ACTR5: variants seen among roughly 807,000 people sequenced by gnomAD.
ACTR5 encodes the protein actin-related protein 5.
Under a neutral mutation model 61.2 loss-of-function variants are expected in ACTR5, and 43 were observed. The ratio of observed to expected loss-of-function variants is 0.70; its 90% CI spans 0.55 to 0.91. The LOEUF (loss-of-function observed/expected upper bound fraction) is 0.91, where lower values mean the gene tolerates loss of function less well. Among genes scored for constraint, ACTR5 ranks in the 40% least tolerant of loss-of-function variants. The pLI, the probability that ACTR5 is intolerant of heterozygous loss-of-function variation, is 0.00. For synonymous variants in ACTR5, 333 were observed against 310.5 expected (o/e 1.07, Z -0.76); for missense variants, 798 against 782.2 (o/e 1.02, Z -0.24).
chr20:38,767,385 G>T, intron 7 of ACTR5, 79 bp from the exon 8 acceptor site: 3 of 1,233,126 alleles, frequency 2.4e-6, no homozygotes, highest in Non-Finnish European at 3.3e-6. Flanking sequence ...GTTTTGTACT[G>T]AGAGCTTACA....
At position 38,754,556 on chromosome 20, in the gene ACTR5, A is replaced by G. The variant is rs1475328437; in HGVS notation, c.776-401A>G. The stretch of plus-strand genomic sequence containing the variant: ...ACATGGGGAAACCCCATCTCTACTA[A>G]AAATTCAAAAAAATTAGCCGGGCAT... On this transcript the variant is annotated intron_variant, in intron 3 of 8. Coordinates refer to ENST00000243903, the MANE Select transcript of ACTR5 (RefSeq NM_024855.4). 4.6e-5 allele frequency among the ~76,000 whole-genome samples: 7 copies of G among 151,942 alleles called. No individual in the cohort carries two copies. The East Asian group carries it at 1.4e-3, about 30-fold the overall frequency.
At chr20:38,769,687 G>C (rs2084508985) in intron 8 of ACTR5, among the ~76,000 whole-genome samples, 1 of 152,134 alleles carries the variant, frequency 6.6e-6, no homozygotes, top group East Asian at 1.9e-4. Context: ...GAAAGCAAGA[G>C]GGTAGTTTCA....
At chr20:38,753,555 A>G (rs78534410) in intron 3 of ACTR5, among the ~76,000 whole-genome samples, 4 of 152,154 alleles carry the variant, frequency 2.6e-5, no homozygotes, top group Non-Finnish European at 5.9e-5. Context: ...GATAGAGACA[A>G]GCTTTTGGGT....
chr20:38,755,823 CT>C, intron 4 of ACTR5, 33 bp from the exon 5 acceptor site: 2 of 1,612,818 alleles, frequency 1.2e-6, no homozygotes. Context: ...TTTGAAGCTA[CT>C]TTCCTTCCTG....
chr20:38,765,620 A>G, intron 6 of ACTR5, 102 bp downstream of exon 6: 4 of 956,022 alleles, frequency 4.2e-6, no homozygotes, highest in Non-Finnish European at 6.4e-6. Context: ...TATGTTTTTT[A>G]GAAAATTGGG....
chr20:38,748,612 G>T lies in ACTR5; in HGVS notation c.134G>T (p.Gly45Val). 6.6e-7 allele frequency: 1 copy of T among 1,523,350 alleles called. No homozygotes were observed. Among genetic ancestry groups the T allele is most frequent in the South Asian group, 1.2e-5 (1 of 81,630 alleles). 94.4% of individuals were successfully genotyped at this position (1,523,350 alleles called of 1,614,324 possible). A position where few individuals can be genotyped will look rare whatever the true frequency, so the allele number is the denominator to read the frequency against. The change falls in exon 1 of 9, where the codon GGC becomes GTC. Residue 45 changes from glycine (G) to valine (V), a missense_variant. Gly to Val is a moderately radical substitution (Grantham distance 109, BLOSUM62 -3). Transcript: ENST00000243903. ...AACGGGTCGTTCCAAGTCCGCGCTG[G>T]CTGGGCGTGTCCCGGGCAGGACCCA... is the stretch of plus-strand genomic sequence containing the variant. ...LDNGSFQVRA[G>V]WACPGQDPGP...
In ACTR5 at chr20:38,766,241, G is replaced by C. The variant is rs141204447; in HGVS notation, c.1297G>C (p.Val433Leu). Residue 433 changes from valine (V) to leucine (L), a missense_variant, in exon 7 of 9, where the codon GTG (valine) becomes CTG (leucine). Transcript: ENST00000243903. ...TTTAAACCTTGGGTTTTTAAAGCCC[G>C]TGTTTAACTTGGCAGCATATCATCA... ...VEKPVTTVQPVFNLAAYHQLF... is the reference protein window; with the variant it reads ...VEKPVTTVQPLFNLAAYHQLF... 4 of 1,607,022 alleles carry C rather than the reference G, an allele frequency of 2.5e-6. No homozygotes were observed. In the South Asian group the frequency reaches 4.5e-5, roughly 18 times the overall value.
chr20:38,756,995 GCT>G (rs1178492000), intron 5 of ACTR5, among the ~76,000 whole-genome samples: 1 of 152,208 alleles, frequency 6.6e-6, no homozygotes, highest in Non-Finnish European at 1.5e-5. Context: ...CATGTTCATA[GCT>G]CAATATAACC....
In ACTR5 at chr20:38,748,820, C is replaced by T. The variant is rs143631364; in HGVS notation, c.342C>T (p.Asp114=). ...TGGAGCTTCAGGAGTTGCTGCTGGACTACAGCTTCCAGCACCTGGGTGTCT... is the reference window on the plus strand; with the variant it reads ...TGGAGCTTCAGGAGTTGCTGCTGGATTACAGCTTCCAGCACCTGGGTGTCT... ...VNLELQELLL[D]YSFQHLGVSS... Residue 114 remains aspartate, a synonymous_variant, in exon 1 of 9, where the codon GAC becomes GAT. Coordinates refer to ENST00000243903, the MANE Select transcript of ACTR5 (RefSeq NM_024855.4). 81 of 1,608,876 alleles carry T rather than the reference C, an allele frequency of 5.0e-5. No homozygotes were observed. The highest frequency in any genetic ancestry group is 6.7e-5 in the Non-Finnish European group (79 of 1,178,868).
intron 4 of ACTR5, 81 bp downstream of exon 4, chr20:38,755,255 G>A (rs1282996773): frequency 7.1e-7 from 1 of 1,408,054 alleles, no homozygotes; most frequent in Non-Finnish European, 9.5e-7. Context: ...TTTTCCATTG[G>A]CCTTAAGATG....
In ACTR5 at chr20:38,755,748, C is replaced by G; in HGVS notation, c.994-109C>G. ...AAACTGGAGGCAGCTGGAGGCGTGGCTCTGGGCAGGGTAGGCCAGGGGAGC... is the reference window on the plus strand; with the variant it reads ...AAACTGGAGGCAGCTGGAGGCGTGGGTCTGGGCAGGGTAGGCCAGGGGAGC... On this transcript the variant is annotated intron_variant, in intron 4 of 8. Transcript: ENST00000243903. The G allele has an allele frequency of 2.6e-6, 3 of 1,174,718 alleles. No homozygotes were observed. In the South Asian group the frequency reaches 3.9e-5, roughly 15 times the overall value. 72.8% of individuals were successfully genotyped at this position (1,174,718 alleles called of 1,614,324 possible). A position where few individuals can be genotyped will look rare whatever the true frequency, so the allele number is the denominator to read the frequency against.
At chr20:38,754,592 G>A (rs1041745444) in intron 3 of ACTR5, among the ~76,000 whole-genome samples, 5 of 151,812 alleles carry the variant, frequency 3.3e-5, no homozygotes, top group African/African-American at 4.8e-5. Context: ...GGTGGCAGGC[G>A]TCTGTAGTCC....
In ACTR5 at chr20:38,755,115, C is replaced by T. The variant is rs772935923; in HGVS notation, c.934C>T (p.Arg312Trp). ...GCGGCTGCAGGAGCTCAATGCCCGG[C>T]GGCGGGAGGAGAAGCTGCAGCTGGA... The part of the protein sequence containing the change: ...LRRLQELNAR[R>W]REEKLQLDQE... Residue 312 changes from arginine (R) to tryptophan (W), a missense_variant, in exon 4 of 9, where the codon CGG becomes TGG. Physicochemically the swap from Arg to Trp is moderately radical, Grantham distance 101 (BLOSUM62 -3). Transcript: ENST00000243903. 4.4e-5 allele frequency: 71 copies of T among 1,613,884 alleles called. No homozygotes were observed. The highest frequency in any genetic ancestry group is 5.8e-5 in the Non-Finnish European group (68 of 1,179,964).
chr20:38,768,530 A>G (rs2263751), intron 8 of ACTR5, among the ~76,000 whole-genome samples: 63,366 of 152,032 alleles, frequency 0.42, 13,229 homozygotes, highest in Middle Eastern at 0.49. Flanking sequence ...TGCCTTGTAA[A>G]AGCACATTAA....
At chr20:38,768,918 T>C (rs2084503956) in intron 8 of ACTR5, among the ~76,000 whole-genome samples, 1 of 152,210 alleles carries the variant, frequency 6.6e-6, no homozygotes, top group South Asian at 2.1e-4. Context: ...TAGTAAGATA[T>C]ATTTGACACT....
At chr20:38,757,704 T>C (rs1008987240) in intron 5 of ACTR5, among the ~76,000 whole-genome samples, 2 of 151,672 alleles carry the variant, frequency 1.3e-5, no homozygotes, top group Non-Finnish European at 2.9e-5. Context: ...CTCTCACCGT[T>C]GCATCCTCTA....
intron 5 of ACTR5, among the ~76,000 whole-genome samples, chr20:38,763,012 G>A (rs1438036465): frequency 2.0e-5 from 3 of 152,184 alleles, no homozygotes; most frequent in African/African-American, 7.2e-5. Flanking sequence ...CTCACCCGAC[G>A]CTGCCCTAAG....
At chr20:38,766,111 A>T (rs985407176) in intron 6 of ACTR5, 127 bp from the exon 7 acceptor site, 41 of 1,022,284 alleles carry the variant, frequency 4.0e-5, no homozygotes, top group Non-Finnish European at 4.6e-5. Context: ...GAGAGTTGGG[A>T]GAAGCTATAC....
chr20:38,762,404 A>T (rs1432357821), intron 5 of ACTR5, among the ~76,000 whole-genome samples: 1 of 152,220 alleles, frequency 6.6e-6, no homozygotes, highest in Non-Finnish European at 1.5e-5. Flanking sequence ...GTCACATGAC[A>T]TCATTTGCAC....
Sources: allele counts gnomAD v4.1 joint callset (sites outside exome capture counted in the v4.1 genomes callset), GRCh38; gene constraint gnomAD v4.1.1; transcripts MANE v1.5; gene names NCBI Gene and HGNC (gene_info 2026-07-23, HGNC 2026-07-21).